NPIPB6: variants seen among roughly 807,000 people sequenced by gnomAD.
NPIPB6 encodes nuclear pore complex-interacting protein family member B6.
Under a neutral mutation model 20.0 loss-of-function variants are expected in NPIPB6, and 2 were observed. The ratio of observed to expected loss-of-function variants is 0.10; its 90% confidence interval spans 0.04 to 0.31. The LOEUF is 0.31. Among genes scored for constraint, NPIPB6 ranks in the 10% least tolerant of loss-of-function variants. The probability of loss-of-function intolerance (pLI) is 1.00; values close to 1 mark genes in which losing one functional copy is unlikely to be tolerated. For missense variants in NPIPB6, 96 were observed against 293.7 expected (o/e 0.33, Z 4.92); for synonymous variants, 35 against 116.3 (o/e 0.30, Z 4.50).
rs1017602657 is a variant in NPIPB6 at position 28,347,992 on chromosome 16, C to A, written c.599+842G>T. ...GGGCATGGTGGCATATGCCTGTAGT[C>A]CCAGCTACTCAAGAGGCTGAGGGAT... is the stretch of plus-strand genomic sequence containing the variant. On this transcript the variant is annotated intron_variant, in intron 4 of 6. Coordinates refer to ENST00000532254, the Ensembl canonical transcript of NPIPB6. Among the ~76,000 whole-genome samples the A allele has an allele frequency of 2.4e-3, 290 of 119,264 alleles. 50 individuals are homozygous for A. The highest frequency in any genetic ancestry group is 4.4e-3 in the Non-Finnish European group (233 of 52,670). The allele number at this position is 119,264 out of a possible 152,430, so 78.2% of individuals were successfully genotyped here.
chr16:28,361,790 C>T (rs201420710), intron 1 of NPIPB6, among the ~76,000 whole-genome samples: 4 of 123,146 alleles, frequency 3.2e-5, no homozygotes, highest in Admixed American at 2.4e-4. Flanking sequence ...GTGTGTGTAT[C>T]TATATAAATC....
intron 2 of NPIPB6, among the ~76,000 whole-genome samples, chr16:28,349,547 T>TCTCA (rs1491206705): frequency 2.4e-4 from 14 of 57,618 alleles, no homozygotes; most frequent in Non-Finnish European, 4.6e-4. Flanking sequence ...TGAGACTCTG[T>TCTCA]CACACACACA....
chr16:28,355,119 G>C (rs1409141874), intron 1 of NPIPB6, among the ~76,000 whole-genome samples: 137 of 133,776 alleles, frequency 1.0e-3, no homozygotes, highest in Middle Eastern at 3.6e-3. Flanking sequence ...CAGACAGCTT[G>C]TGATAACATT....
chr16:28,361,730 ATGTGTGTGTGTG>A (rs750956017), intron 1 of NPIPB6, among the ~76,000 whole-genome samples: 7 of 100,832 alleles, frequency 6.9e-5, no homozygotes, highest in African/African-American at 2.4e-4. Flanking sequence ...CTCTCTCTAT[ATGTGTGTGTGTG>A]TGTGTGTGTG....
chr16:28,347,998 T>C (rs1166297940), intron 4 of NPIPB6, among the ~76,000 whole-genome samples: 2 of 118,870 alleles, frequency 1.7e-5, no homozygotes, highest in African/African-American at 5.7e-5. Context: ...TAGTCCCAGC[T>C]ACTCAAGAGG....
chr16:28,355,473 T>A (rs1272305654), intron 1 of NPIPB6, among the ~76,000 whole-genome samples: 2 of 123,986 alleles, frequency 1.6e-5, no homozygotes, highest in East Asian at 4.8e-4. Flanking sequence ...ATAGTGTAGA[T>A]CTTGGCTGGG....
At chr16:28,359,061 A>G (rs200486835) in intron 1 of NPIPB6, among the ~76,000 whole-genome samples, 15,792 of 86,278 alleles carry the variant, frequency 0.18, 1,849 homozygotes, top group Non-Finnish European at 0.23. Flanking sequence ...CAGCCTGGGT[A>G]ACAGAATGGA....
intron 1 of NPIPB6, among the ~76,000 whole-genome samples, chr16:28,360,163 C>T (rs1453606361): frequency 7.9e-6 from 1 of 127,138 alleles, no homozygotes; most frequent in African/African-American, 2.7e-5. Context: ...AGTGTGGGAG[C>T]AATAGTTCAC....
chr16:28,351,744 G>C (rs2045234943), intron 2 of NPIPB6, among the ~76,000 whole-genome samples: 1 of 98,358 alleles, frequency 1.0e-5, no homozygotes, highest in Non-Finnish European at 2.3e-5. Context: ...AGTGTGCCTA[G>C]ATATCTTCAT....
intron 1 of NPIPB6, chr16:28,356,841 AGGAGGG>A (rs2045335359): frequency 1.5e-5 from 1 of 65,118 alleles, no homozygotes; most frequent in Non-Finnish European, 3.1e-5. Context: ...GAGGAGGTGG[AGGAGGG>A]GGAGGAGAAG....
intron 1 of NPIPB6, among the ~76,000 whole-genome samples, chr16:28,359,063 C>T (rs1334848836): frequency 1.0e-5 from 1 of 99,074 alleles, no homozygotes; most frequent in Non-Finnish European, 2.0e-5. Context: ...GCCTGGGTAA[C>T]AGAATGGAAT....
At chr16:28,346,290 T>C (rs1361232477) in intron 4 of NPIPB6, 1 of 806,518 alleles carries the variant, frequency 1.2e-6, no homozygotes, top group East Asian at 1.5e-4. Context: ...AAGCAGAGGA[T>C]TGCTCCTCAT....
intron 1 of NPIPB6, among the ~76,000 whole-genome samples, chr16:28,354,143 ATAAAG>A (rs1203771731): frequency 5.5e-5 from 1 of 18,124 alleles, no homozygotes; most frequent in Non-Finnish European, 9.9e-5. Flanking sequence ...CAAGCTAAGT[ATAAAG>A]TAATTATCTT....
chr16:28,360,393 A>G (rs1422305502), intron 1 of NPIPB6, among the ~76,000 whole-genome samples: 18 of 132,538 alleles, frequency 1.4e-4, no homozygotes, highest in Non-Finnish European at 2.6e-4. Flanking sequence ...ATGTCACTCA[A>G]TTGATTCTGA....
intron 4 of NPIPB6, among the ~76,000 whole-genome samples, chr16:28,348,180 G>T (rs2045132542): frequency 8.8e-6 from 1 of 113,994 alleles, no homozygotes; most frequent in Non-Finnish European, 1.9e-5. Flanking sequence ...AGGAAGCTGA[G>T]GCAGAATTGC....
chr16:28,349,617 G>T (rs1282613111), intron 2 of NPIPB6, among the ~76,000 whole-genome samples: 1 of 84,334 alleles, frequency 1.2e-5, no homozygotes, highest in East Asian at 3.7e-4. Flanking sequence ...AGGCTGGCAC[G>T]GTGGCTCACT....
At chr16:28,348,119 A>C (rs1409528946) in intron 4 of NPIPB6, among the ~76,000 whole-genome samples, 2 of 113,434 alleles carry the variant, frequency 1.8e-5, no homozygotes, top group African/African-American at 6.1e-5. Flanking sequence ...CAAAAAAAAA[A>C]AAAAAAAATT....
rs762122986 is a variant in NPIPB6, at chr16:28,342,757, C to T, written c.1128G>A (p.Arg376=). 5.7e-6 allele frequency: 9 copies of T among 1,590,434 alleles called. 1 individual carries two copies. The East Asian group carries it at 1.6e-4, about 29-fold the overall frequency. The change falls in exon 7 of 7, where the codon AGG becomes AGA. Residue 376 remains arginine (R), a synonymous_variant. Coordinates refer to ENST00000532254, the Ensembl canonical transcript of NPIPB6. ...ATTGTTCCACCTCATCCACCCTCCG[C>T]CTCTTGGGTTTCGGTGATTGTTCCA...
chr16:28,346,260 A>G (rs969611724), intron 4 of NPIPB6: 2 of 804,610 alleles, frequency 2.5e-6, no homozygotes, highest in African/African-American at 4.6e-5. Flanking sequence ...TCACCAACTC[A>G]TCACAACTAA....
Sources: allele counts gnomAD v4.1 joint callset (sites outside exome capture counted in the v4.1 genomes callset), GRCh38; gene constraint gnomAD v4.1.1; transcripts MANE v1.5; gene names NCBI Gene and HGNC (gene_info 2026-07-23, HGNC 2026-07-21).